HERC2: variants seen among roughly 807,000 people sequenced by gnomAD.
HERC2 encodes HECT and RLD domain containing E3 ubiquitin protein ligase 2.
A neutral mutation model predicts 537.7 loss-of-function variants in HERC2; 102 were observed. The observed-to-expected ratio is 0.19, with a 90% CI of 0.16 to 0.22. The LOEUF (loss-of-function observed/expected upper bound fraction) is 0.22, where lower values mean the gene tolerates loss of function less well. Among genes scored for constraint, HERC2 ranks in the 10% least tolerant of loss-of-function variants. The probability of loss-of-function intolerance (pLI) is 1.00; values close to 1 mark genes in which losing one functional copy is unlikely to be tolerated. For missense variants in HERC2, 4,236 were observed against 6,198.2 expected (o/e 0.68, Z 10.63); for synonymous variants, 2,224 against 2,466.2 (o/e 0.90, Z 2.91).
intron 48 of HERC2, among the ~76,000 whole-genome samples, chr15:28,199,158 AG>A (rs1224232572): frequency 6.6e-6 from 1 of 152,118 alleles, no homozygotes; most frequent in Non-Finnish European, 1.5e-5. Context: ...AAAAAAAAAA[AG>A]AATTTCATCT....
chr15:28,283,347 T>C (rs1486867005), intron 4 of HERC2, among the ~76,000 whole-genome samples: 1 of 152,136 alleles, frequency 6.6e-6, no homozygotes, highest in Non-Finnish European at 1.5e-5. Flanking sequence ...CATTAACAAG[T>C]CAAATGACAG....
intron 65 of HERC2, among the ~76,000 whole-genome samples, chr15:28,173,224 T>C (rs2140127242): frequency 6.6e-6 from 1 of 152,346 alleles, no homozygotes; most frequent in Non-Finnish European, 1.5e-5. Context: ...CCTAGGAGTT[T>C]ACCCAAGAGA....
At chr15:28,257,640 G>A (rs2075301116) in intron 16 of HERC2, among the ~76,000 whole-genome samples, 1 of 152,080 alleles carries the variant, frequency 6.6e-6, no homozygotes, top group Non-Finnish European at 1.5e-5. Flanking sequence ...CTTTCACAGT[G>A]AAATAACAAG....
intron 2 of HERC2, among the ~76,000 whole-genome samples, chr15:28,302,296 G>GT (rs1449346400): frequency 6.6e-6 from 1 of 151,226 alleles, no homozygotes; most frequent in Non-Finnish European, 1.5e-5. Flanking sequence ...CTGACTTAAC[G>GT]TAACGACCTC....
At chr15:28,165,984 A>G (rs537496949) in intron 68 of HERC2, among the ~76,000 whole-genome samples, 10 of 152,348 alleles carry the variant, frequency 6.6e-5, no homozygotes, top group Admixed American at 6.5e-4. Context: ...CCTATGTTGG[A>G]GCATAAAACA....
At chr15:28,114,841 G>A (rs369542337) in intron 89 of HERC2, 39 bp from the exon 90 acceptor site, 24 of 1,565,746 alleles carry the variant, frequency 1.5e-5, no homozygotes, top group South Asian at 7.9e-5. Context: ...GTCGACTCAC[G>A]GCTCATCTCC....
chr15:28,128,584 A>G (rs183953183), intron 83 of HERC2, among the ~76,000 whole-genome samples: 1 of 152,236 alleles, frequency 6.6e-6, no homozygotes, highest in African/African-American at 2.4e-5. Context: ...TAAAGGGTGC[A>G]TGCTTATATA....
chr15:28,267,329 G>A (rs938962233), intron 12 of HERC2, among the ~76,000 whole-genome samples: 2 of 152,082 alleles, frequency 1.3e-5, no homozygotes, highest in Non-Finnish European at 2.9e-5. Flanking sequence ...TTCCTTCCTT[G>A]AAGTCCTAGA....
chr15:28,313,192 A>ATTTTT (rs57465951), intron 2 of HERC2, among the ~76,000 whole-genome samples: 5 of 95,114 alleles, frequency 5.3e-5, no homozygotes, highest in African/African-American at 7.0e-5. Flanking sequence ...CAGTTAAGGC[A>ATTTTT]TTTTTTTTTT....
chr15:28,282,582 C>G (rs2076046917), intron 4 of HERC2, among the ~76,000 whole-genome samples: 2 of 152,088 alleles, frequency 1.3e-5, no homozygotes, highest in African/African-American at 2.4e-5. Flanking sequence ...GGAAAAAGGG[C>G]AAAGAATCAG....
intron 59 of HERC2, 132 bp downstream of exon 59, chr15:28,178,755 A>T: frequency 9.7e-7 from 1 of 1,028,208 alleles, no homozygotes; most frequent in Non-Finnish European, 1.4e-6. Context: ...CTAGAGATTT[A>T]CATTATCCAA....
chr15:28,299,977 C>T (rs2076575573), intron 2 of HERC2, among the ~76,000 whole-genome samples: 1 of 150,154 alleles, frequency 6.7e-6, no homozygotes, highest in Non-Finnish European at 1.5e-5. Context: ...TGCTTGAACC[C>T]AGGAGGCAGA....
intron 70 of HERC2, among the ~76,000 whole-genome samples, chr15:28,150,401 C>T (rs1009028969): frequency 6.7e-6 from 1 of 148,370 alleles, no homozygotes; most frequent in Non-Finnish European, 1.5e-5. Context: ...GTAAAATTAC[C>T]GAAAAACACA....
rs772122035 is a variant in HERC2, at chr15:28,229,605, T to C, written c.4984-9A>G. On this transcript the variant is annotated splice_polypyrimidine_tract_variant and intron_variant, in intron 32 of 92. Transcript: ENST00000261609. ...ACCTCTGCTCTCTCCAACTGCAAAATATCAATGCATACAGTTAAGTGTTAT... is the reference window on the plus strand; with the variant it reads ...ACCTCTGCTCTCTCCAACTGCAAAACATCAATGCATACAGTTAAGTGTTAT... 7.5e-6 allele frequency: 12 copies of C among 1,605,500 alleles called. No individual in the cohort carries two copies. The Admixed American group carries it at 1.8e-4, about 25-fold the overall frequency.
intron 2 of HERC2, chr15:28,320,155 T>G (rs2077193195): frequency 6.6e-6 from 1 of 152,176 alleles, no homozygotes; most frequent in South Asian, 2.1e-4. Context: ...GCTCTCATTG[T>G]CCAGGCTGGA....
At chr15:28,281,942 G>A (rs1343383394) in intron 4 of HERC2, among the ~76,000 whole-genome samples, 1 of 152,064 alleles carries the variant, frequency 6.6e-6, no homozygotes, top group African/African-American at 2.4e-5. Context: ...GCTCCAAGAG[G>A]GCAGCTCTGC....
At chr15:28,147,092 G>A (rs980027458) in intron 70 of HERC2, among the ~76,000 whole-genome samples, 1 of 147,680 alleles carries the variant, frequency 6.8e-6, no homozygotes, top group African/African-American at 2.5e-5. Flanking sequence ...TGGTTGCTAG[G>A]ATGATAAACT....
chr15:28,215,025 C>T (rs923761661), intron 39 of HERC2, among the ~76,000 whole-genome samples: 2 of 152,122 alleles, frequency 1.3e-5, no homozygotes, highest in South Asian at 2.1e-4. Flanking sequence ...CAGGCACCCA[C>T]CACCAAGCCC....
At chr15:28,143,058 TA>T in intron 74 of HERC2, 106 bp from the exon 75 acceptor site, 1 of 886,456 alleles carries the variant, frequency 1.1e-6, no homozygotes, top group South Asian at 3.1e-5. Context: ...CTAACTCTTC[TA>T]AAAAAACTAA....
Sources: gnomAD v4.1 joint callset for allele counts (sites outside exome capture counted in the v4.1 genomes callset) on GRCh38, gnomAD v4.1.1 for gene constraint, MANE v1.5 for transcripts, NCBI Gene and HGNC (gene_info 2026-07-23, HGNC 2026-07-21) for gene names.